Variants in ZNF407 observed in about 807,000 individuals in gnomAD.
ZNF407 encodes zinc finger protein 407.
In ZNF407, 17 loss-of-function variants were observed where a neutral mutation model predicts 131.2. That is an observed-to-expected ratio of 0.13 (90% CI 0.09 to 0.19). The LOEUF (loss-of-function observed/expected upper bound fraction) is 0.19, where lower values mean the gene tolerates loss of function less well. Ranked by LOEUF, ZNF407 falls within the 10% of genes least tolerant of loss-of-function variation. The pLI, the probability that ZNF407 is intolerant of heterozygous loss-of-function variation, is 1.00. For synonymous variants in ZNF407, 1,156 were observed against 1,062.0 expected (o/e 1.09, Z -1.72); for missense variants, 2,681 against 2,830.6 (o/e 0.95, Z 1.20).
chr18:74,736,490 G>T (rs1968415716), intron 3 of ZNF407, among the ~76,000 whole-genome samples: 1 of 152,126 alleles, frequency 6.6e-6, no homozygotes, highest in Admixed American at 6.5e-5. Flanking sequence ...GCTTCATTGA[G>T]TCCTAGAATG....
chr18:74,957,866 G>A lies in ZNF407; in HGVS notation c.5428+37174G>A, dbSNP rs534984408. ...ACTCAACAAGCGGCAGCCCTCCAGG[G>A]TAAGAGTACTTCTAGGGGAAAGTGA... On this transcript the variant is annotated intron_variant, in intron 8 of 8. Transcript: ENST00000299687. Among the ~76,000 whole-genome samples, 9 of 152,314 alleles carry A rather than the reference G, an allele frequency of 5.9e-5. No individual in the cohort carries two copies. In the South Asian group the frequency reaches 1.9e-3, roughly 32 times the overall value.
intron 3 of ZNF407, among the ~76,000 whole-genome samples, chr18:74,666,006 G>A (rs572122487): frequency 6.6e-6 from 1 of 152,288 alleles, no homozygotes; most frequent in African/African-American, 2.4e-5. Context: ...ACCTTGAAGA[G>A]CCCTAGTGGT....
intron 3 of ZNF407, among the ~76,000 whole-genome samples, chr18:74,780,299 G>T (rs1321253173): frequency 6.6e-6 from 1 of 152,062 alleles, no homozygotes; most frequent in Non-Finnish European, 1.5e-5. Flanking sequence ...GAAAAGAAAA[G>T]AAGCATGTTT....
At chr18:74,961,613 G>A (rs1390204131) in intron 8 of ZNF407, among the ~76,000 whole-genome samples, 11 of 151,912 alleles carry the variant, frequency 7.2e-5, no homozygotes, top group African/African-American at 2.4e-4. Flanking sequence ...CCAGCTACTC[G>A]GGAGGCTGAG....
chr18:74,794,914 G>A (rs1969891445), intron 4 of ZNF407, among the ~76,000 whole-genome samples: 2 of 151,978 alleles, frequency 1.3e-5, no homozygotes, highest in Non-Finnish European at 1.5e-5. Flanking sequence ...CCCCTTTTAG[G>A]ATGTTTTTTG....
At position 74,614,777 on chromosome 18, in the gene ZNF407, A is replaced by C. The variant is rs1983213814; in HGVS notation, c.-53-16190A>C. Among the ~76,000 whole-genome samples, 4 of 152,228 alleles carry C rather than the reference A, an allele frequency of 2.6e-5. No homozygotes were observed. The South Asian group carries it at 8.3e-4, about 32-fold the overall frequency. On this transcript the variant is annotated intron_variant, in intron 1 of 8. Transcript: ENST00000299687. ...CTCTTGTTTTACAAATGTGGAAGTA[A>C]TAGCACTAGGGATGCTTTTCCAGTT...
At chr18:75,046,465 A>G (rs1215336413) in intron 8 of ZNF407, among the ~76,000 whole-genome samples, 2 of 152,188 alleles carry the variant, frequency 1.3e-5, no homozygotes, top group Non-Finnish European at 2.9e-5. Flanking sequence ...ATTTTAGCCA[A>G]CGCTGCTTCA....
intron 3 of ZNF407, among the ~76,000 whole-genome samples, chr18:74,669,829 C>CA (rs1986072336): frequency 6.6e-6 from 1 of 152,180 alleles, no homozygotes; most frequent in Admixed American, 6.5e-5. Context: ...AAAGTTGTTA[C>CA]AAAAATAATT....
chr18:74,635,161 C>T lies in ZNF407; in HGVS notation c.4142C>T (p.Ala1381Val), dbSNP rs779538060. ...GACCAGTCTGAAGAGGGCTTGATAG[C>T]AACGGGAGTGAGAATTAGTGAGCTG... is the stretch of plus-strand genomic sequence containing the variant. ...LIDQSEEGLI[A>V]TGVRISELPL... Residue 1381 changes from alanine to valine, a missense_variant, in exon 2 of 9, where the codon GCA (alanine) becomes GTA (valine). Ala to Val is a moderately conservative substitution (Grantham distance 64, BLOSUM62 0). Transcript: ENST00000299687. This position sits in a 1 kb window ranked among gnomAD's most constrained non-coding sequence, Gnocchi z 4.7. The T allele has an allele frequency of 6.2e-7, 1 of 1,613,992 alleles. No individual in the cohort carries two copies.
chr18:75,034,393 T>C (rs916320593), intron 8 of ZNF407, among the ~76,000 whole-genome samples: 5 of 139,806 alleles, frequency 3.6e-5, no homozygotes, highest in African/African-American at 1.3e-4. Context: ...AAGCTCCGCC[T>C]CCCGGGTTCA....
At chr18:74,895,266 T>C (rs908118566) in intron 7 of ZNF407, among the ~76,000 whole-genome samples, 3 of 151,662 alleles carry the variant, frequency 2.0e-5, no homozygotes, top group African/African-American at 4.9e-5. Context: ...TCAAGTAATA[T>C]TGTAACTCAG....
At chr18:74,885,711 A>C (rs1403130395) in intron 6 of ZNF407, among the ~76,000 whole-genome samples, 1 of 152,174 alleles carries the variant, frequency 6.6e-6, no homozygotes, top group Non-Finnish European at 1.5e-5. Context: ...CAAAGGAGTA[A>C]AGGCAATTTA....
intron 8 of ZNF407, among the ~76,000 whole-genome samples, chr18:74,988,586 C>G (rs1273359629): frequency 2.6e-5 from 4 of 150,994 alleles, no homozygotes; most frequent in Non-Finnish European, 5.9e-5. Context: ...AAGACAAAAA[C>G]CCAACTAAGA....
intron 8 of ZNF407, among the ~76,000 whole-genome samples, chr18:74,958,103 C>T (rs963196330): frequency 1.3e-5 from 2 of 152,284 alleles, no homozygotes; most frequent in East Asian, 1.9e-4. Flanking sequence ...TAAAAATGTT[C>T]GTCTTCACCT....
chr18:74,740,015 C>T (rs980909948), intron 3 of ZNF407, among the ~76,000 whole-genome samples: 2 of 152,178 alleles, frequency 1.3e-5, no homozygotes, highest in African/African-American at 2.4e-5. Context: ...TTTCCTCTGG[C>T]TTCTGCATCA....
chr18:74,641,614 CTGT>C (rs1258426472), intron 3 of ZNF407, among the ~76,000 whole-genome samples: 1 of 152,106 alleles, frequency 6.6e-6, no homozygotes, highest in East Asian at 1.9e-4. Flanking sequence ...CTGAAGAGAA[CTGT>C]TGTTATGCAT....
rs1239989460 is a variant in ZNF407 at position 74,772,783 on chromosome 18, C to T, written c.4803-8645C>T. Among the ~76,000 whole-genome samples, 7 of 151,998 alleles carry T rather than the reference C, an allele frequency of 4.6e-5. No individual in the cohort carries two copies. In the East Asian group the frequency reaches 1.2e-3, roughly 25 times the overall value. On this transcript the variant is annotated intron_variant, in intron 3 of 8. Transcript: ENST00000299687. ...TGAACATATTTATAGGAAGGTGTGTCACGGGGGTATGTGGAGTGAATTGTA... is the reference window on the plus strand; with the variant it reads ...TGAACATATTTATAGGAAGGTGTGTTACGGGGGTATGTGGAGTGAATTGTA...
intron 8 of ZNF407, among the ~76,000 whole-genome samples, chr18:74,958,394 T>A (rs146501697): frequency 6.6e-6 from 1 of 152,288 alleles, no homozygotes; most frequent in Admixed American, 6.5e-5. Flanking sequence ...GAGATTATTT[T>A]GAGTTGCCTC....
chr18:75,042,974 T>A (rs1472284854), intron 8 of ZNF407, among the ~76,000 whole-genome samples: 4 of 152,230 alleles, frequency 2.6e-5, no homozygotes, highest in African/African-American at 7.2e-5. Context: ...CTTCCAGTTG[T>A]GGGTGATTAG....
Sources: allele counts gnomAD v4.1 joint callset (sites outside exome capture counted in the v4.1 genomes callset), GRCh38; gene constraint gnomAD v4.1.1; non-coding constraint Gnocchi (gnomAD v3.1); transcripts MANE v1.5; gene names NCBI Gene and HGNC (gene_info 2026-07-23, HGNC 2026-07-21).